FRMD4A: variants seen among roughly 807,000 people sequenced by gnomAD.
FRMD4A encodes FERM domain-containing protein 4A.
Under a neutral mutation model 129.1 loss-of-function variants are expected in FRMD4A, and 29 were observed. That is an observed-to-expected ratio of 0.22 (90% confidence interval 0.17 to 0.31). FRMD4A has a LOEUF of 0.31. FRMD4A is among the 10% of genes least tolerant of loss of function. The pLI is 1.00. For missense variants in FRMD4A, 1,272 were observed against 1,375.8 expected (o/e 0.92, Z 1.19); for synonymous variants, 634 against 571.6 (o/e 1.11, Z -1.56).
At chr10:14,150,876 G>A (rs191334272) in intron 2 of FRMD4A, among the ~76,000 whole-genome samples, 5 of 152,288 alleles carry the variant, frequency 3.3e-5, no homozygotes, top group African/African-American at 1.2e-4. Context: ...ACCAAGGCAG[G>A]TTATCAATTT....
In FRMD4A at chr10:13,910,740, A is replaced by G. The variant is rs113336625; in HGVS notation, c.46-51828T>C. On this transcript the variant is annotated intron_variant, in intron 2 of 24. Transcript: ENST00000357447. ...ATATGTGAGTGTTTTATTGAGCACA[A>G]TATCAACTGGAACCAATAAACAATT... 1.2e-3 allele frequency among the ~76,000 whole-genome samples: 179 copies of G among 152,322 alleles called. 2 individuals carry two copies. Among genetic ancestry groups the G allele is most frequent in the Middle Eastern group, 3.4e-3 (1 of 294 alleles).
At chr10:14,218,941 G>T (rs1244875288) in intron 2 of FRMD4A, among the ~76,000 whole-genome samples, 1 of 120,660 alleles carries the variant, frequency 8.3e-6, no homozygotes, top group Non-Finnish European at 1.6e-5. Context: ...GGCAACAAGA[G>T]TGAGACTTCA....
chr10:14,074,100 G>A (rs1046472856), intron 2 of FRMD4A, among the ~76,000 whole-genome samples: 7 of 152,190 alleles, frequency 4.6e-5, no homozygotes, highest in Non-Finnish European at 8.8e-5. Flanking sequence ...GACAGAGCAA[G>A]ATAGTCTCAA....
chr10:14,266,845 A>G (rs1442419239), intron 2 of FRMD4A, among the ~76,000 whole-genome samples: 1 of 152,202 alleles, frequency 6.6e-6, no homozygotes, highest in African/African-American at 2.4e-5. Context: ...TAGGGTGACT[A>G]GATGTATATA....
chr10:14,103,424 G>A (rs1274152568), intron 2 of FRMD4A, among the ~76,000 whole-genome samples: 2 of 152,144 alleles, frequency 1.3e-5, no homozygotes, highest in African/African-American at 4.8e-5. Flanking sequence ...GTAGCTATTT[G>A]GGGCTGTGAG....
chr10:13,881,121 T>A (rs1197784882), intron 2 of FRMD4A, among the ~76,000 whole-genome samples: 1 of 151,826 alleles, frequency 6.6e-6, no homozygotes, highest in African/African-American at 2.4e-5. Context: ...GCATTTTTTA[T>A]ACGAAAAAAA....
At chr10:13,993,975 G>T (rs1017507745) in intron 2 of FRMD4A, among the ~76,000 whole-genome samples, 2 of 151,308 alleles carry the variant, frequency 1.3e-5, no homozygotes. Context: ...CAAGCCTGGG[G>T]CAGGGGAGAA....
At chr10:13,848,588 G>A (rs548571300) in intron 3 of FRMD4A, among the ~76,000 whole-genome samples, 91 of 143,514 alleles carry the variant, frequency 6.3e-4, no homozygotes, top group Non-Finnish European at 1.2e-3. Context: ...ACCAGCACCT[G>A]GGTGTGAGTG....
At chr10:13,780,012 G>A (rs2092696339) in intron 6 of FRMD4A, among the ~76,000 whole-genome samples, 1 of 152,094 alleles carries the variant, frequency 6.6e-6, no homozygotes, top group African/African-American at 2.4e-5. Context: ...AGCCAGTGGA[G>A]TGGGTGTTTC....
chr10:13,796,585 TC>T lies in FRMD4A; in HGVS notation c.209del (p.Gly70AspfsTer3). On this transcript the variant is annotated frameshift_variant and splice_region_variant, in exon 5 of 25. Transcript: ENST00000357447. LOFTEE classifies it high-confidence loss of function. ...GATCTAGCTGAAGCCAGTTTAAGTGTCCCCTGAAGAAAATAGAGACAAATTG... is the reference window on the plus strand; with the variant it reads ...GATCTAGCTGAAGCCAGTTTAAGTGTCCCTGAAGAAAATAGAGACAAATTG... ...YFGIAFTDET[G>X]HLNWLQLDRR... is the part of the protein sequence containing the mutation. 1 of 1,573,798 alleles carries T rather than the reference TC, an allele frequency of 6.4e-7. No homozygotes were observed. The highest frequency in any genetic ancestry group is 1.3e-5 in the African/African-American group (1 of 74,148).
At chr10:14,257,605 C>T (rs970720099) in intron 2 of FRMD4A, among the ~76,000 whole-genome samples, 2 of 152,146 alleles carry the variant, frequency 1.3e-5, no homozygotes, top group African/African-American at 2.4e-5. Context: ...AAGATGAGGT[C>T]ATATTGGATT....
intron 4 of FRMD4A, among the ~76,000 whole-genome samples, chr10:13,804,415 A>G (rs565507740): frequency 6.6e-6 from 1 of 152,372 alleles, no homozygotes; most frequent in African/African-American, 2.4e-5. Flanking sequence ...TGCCAGTCAC[A>G]GTTGAAACAA....
chr10:14,250,998 A>C (rs1844419019), intron 2 of FRMD4A, among the ~76,000 whole-genome samples: 1 of 152,220 alleles, frequency 6.6e-6, no homozygotes, highest in African/African-American at 2.4e-5. Context: ...GCTGTATTCA[A>C]AACCTGGCCT....
At chr10:13,652,078 G>T in intron 23 of FRMD4A, 104 bp from the exon 24 acceptor site, 1 of 756,462 alleles carries the variant, frequency 1.3e-6, no homozygotes, top group Non-Finnish European at 2.4e-6. Context: ...ATATCCGAAA[G>T]GCTTGCTGAT....
intron 15 of FRMD4A, among the ~76,000 whole-genome samples, chr10:13,688,125 C>G (rs1443013657): frequency 6.6e-6 from 1 of 152,070 alleles, no homozygotes; most frequent in East Asian, 1.9e-4. Flanking sequence ...GACAGCATAG[C>G]AAAGACTTGG....
chr10:14,165,481 C>A (rs1378988762), intron 2 of FRMD4A, among the ~76,000 whole-genome samples: 1 of 152,182 alleles, frequency 6.6e-6, no homozygotes, highest in Non-Finnish European at 1.5e-5. Flanking sequence ...AAAAATAGAA[C>A]TACTATTCGA....
rs79358720 is a variant in FRMD4A, at chr10:14,246,871, G to C, written c.45+83187C>G. 2.1e-3 allele frequency among the ~76,000 whole-genome samples: 314 copies of C among 152,264 alleles called. 1 individual carries two copies. Among genetic ancestry groups the C allele is most frequent in the African/African-American group, 7.4e-3 (307 of 41,556 alleles). On this transcript the variant is annotated intron_variant, in intron 2 of 24. Coordinates refer to ENST00000357447, the MANE Select transcript of FRMD4A (RefSeq NM_018027.5). ...TCAGGTGGAAGGGGAGGGAGTGTGA[G>C]ACAGGAAGGGAAGGGGTGCCCAGGG...
chr10:14,330,228 T>C, intron 1 of FRMD4A, 45 bp from the exon 2 acceptor site: 1 of 935,484 alleles, frequency 1.1e-6, no homozygotes, highest in Non-Finnish European at 1.7e-6. Flanking sequence ...AGCAAAAGGC[T>C]CAAGGGGAAG....
intron 2 of FRMD4A, among the ~76,000 whole-genome samples, chr10:13,949,067 G>A (rs1445572633): frequency 6.6e-6 from 1 of 152,124 alleles, no homozygotes; most frequent in African/African-American, 2.4e-5. Flanking sequence ...CTTAGGAACT[G>A]GAGTTTGTTT....
Sources: gnomAD v4.1 joint callset for allele counts (sites outside exome capture counted in the v4.1 genomes callset) on GRCh38, gnomAD v4.1.1 for gene constraint, MANE v1.5 for transcripts, NCBI Gene and HGNC (gene_info 2026-07-23, HGNC 2026-07-21) for gene names.